SLTM: variants seen among roughly 807,000 people sequenced by gnomAD.
SLTM encodes SAFB-like transcription modulator.
Under a neutral mutation model 134.6 loss-of-function variants are expected in SLTM, and 43 were observed. That is an observed-to-expected ratio of 0.32 (90% CI 0.25 to 0.41). SLTM has a LOEUF of 0.41. Ranked by LOEUF, SLTM falls within the 10% of genes least tolerant of loss-of-function variation. SLTM has a pLI of 1.00. For synonymous variants in SLTM, 424 were observed against 432.3 expected (o/e 0.98, Z 0.24); for missense variants, 1,055 against 1,288.8 (o/e 0.82, Z 2.78).
intron 4 of SLTM, 177 bp from the exon 5 acceptor site, chr15:58,912,787 G>T: frequency 1.9e-6 from 1 of 540,258 alleles, no homozygotes; most frequent in Non-Finnish European, 3.3e-6. Flanking sequence ...AAAAAAATTA[G>T]CCATGTCGCT....
intron 5 of SLTM, among the ~76,000 whole-genome samples, chr15:58,906,972 T>C (rs1251999163): frequency 1.3e-5 from 2 of 152,222 alleles, no homozygotes; most frequent in Non-Finnish European, 2.9e-5. Flanking sequence ...ATTTACCCTG[T>C]CGTTATCACT....
intron 2 of SLTM, among the ~76,000 whole-genome samples, chr15:58,929,129 T>C (rs1216261104): frequency 6.6e-6 from 1 of 152,130 alleles, no homozygotes; most frequent in Non-Finnish European, 1.5e-5. Context: ...TAAAACAAGA[T>C]CTGGCAAAAA....
chr15:58,904,403 TAAAGTAAC>T (rs1258934989), intron 5 of SLTM, among the ~76,000 whole-genome samples: 2 of 152,128 alleles, frequency 1.3e-5, no homozygotes, highest in Non-Finnish European at 2.9e-5. Flanking sequence ...ATTTTACAAC[TAAAGTAAC>T]ATGAAGGAAA....
chr15:58,923,716 C>T (rs1393623285), intron 2 of SLTM, among the ~76,000 whole-genome samples: 1 of 150,732 alleles, frequency 6.6e-6, no homozygotes, highest in African/African-American at 2.4e-5. Flanking sequence ...TACAGGGAAT[C>T]TAGCAACTGC....
chr15:58,932,318 A>G lies in SLTM; in HGVS notation c.250+38T>C, dbSNP rs112426232. On this transcript the variant is annotated intron_variant, in intron 2 of 20. Coordinates refer to ENST00000380516, the MANE Select transcript of SLTM (RefSeq NM_024755.4). ...AAGAGCAGAGGCAAGTTATATAACCAAAATATATTTTAAAACATGTTCATA... is the reference window on the plus strand; with the variant it reads ...AAGAGCAGAGGCAAGTTATATAACCGAAATATATTTTAAAACATGTTCATA... 171 of 1,519,626 alleles carry G rather than the reference A, an allele frequency of 1.1e-4. No homozygotes were observed. The African/African-American group carries it at 1.6e-3, about 14-fold the overall frequency. The allele number at this position is 1,519,626 out of a possible 1,614,324, so 94.1% of individuals were successfully genotyped here. A position where few individuals can be genotyped will look rare whatever the true frequency, so the allele number is the denominator to read the frequency against.
At chr15:58,883,247 G>A (rs550554536) in intron 20 of SLTM, among the ~76,000 whole-genome samples, 54 of 152,270 alleles carry the variant, frequency 3.5e-4, no homozygotes, top group African/African-American at 1.0e-3. Flanking sequence ...CCCAGGAGGC[G>A]GAGGTTGCAG....
intron 3 of SLTM, among the ~76,000 whole-genome samples, chr15:58,914,200 A>G (rs2036475885): frequency 1.3e-5 from 2 of 152,234 alleles, no homozygotes; most frequent in Non-Finnish European, 1.5e-5. Context: ...GCCAAATGTC[A>G]ATTAGGAAGA....
Position 58,897,271 on chromosome 15 carries a change from A to G in SLTM, c.1109-38T>C, listed in dbSNP as rs374093770. 1.3e-5 allele frequency: 16 copies of G among 1,192,296 alleles called. No individual in the cohort carries two copies. In the African/African-American group the frequency reaches 2.4e-4, roughly 18 times the overall value. 73.9% of individuals were successfully genotyped at this position (1,192,296 alleles called of 1,614,324 possible). A position where few individuals can be genotyped will look rare whatever the true frequency, so the allele number is the denominator to read the frequency against. ...TAATATCAGATGTTTAAGTATCTCA[A>G]TCAGAATCTTTATACAAAACTATAA... On this transcript the variant is annotated intron_variant, in intron 8 of 20. Transcript: ENST00000380516.
intron 5 of SLTM, among the ~76,000 whole-genome samples, chr15:58,909,788 A>C (rs759723402): frequency 1.1e-4 from 17 of 152,248 alleles, no homozygotes; most frequent in Non-Finnish European, 2.1e-4. Flanking sequence ...AATATGTTGA[A>C]CACCACCACA....
At chr15:58,908,807 C>A (rs2036060734) in intron 5 of SLTM, among the ~76,000 whole-genome samples, 1 of 151,948 alleles carries the variant, frequency 6.6e-6, no homozygotes, top group South Asian at 2.1e-4. Context: ...AGGGAAACAC[C>A]CTTGCAAAAA....
At chr15:58,925,941 A>G (rs1370648700) in intron 2 of SLTM, among the ~76,000 whole-genome samples, 1 of 152,220 alleles carries the variant, frequency 6.6e-6, no homozygotes, top group Non-Finnish European at 1.5e-5. Flanking sequence ...CCGAAAACTG[A>G]AAAGTATATA....
intron 2 of SLTM, among the ~76,000 whole-genome samples, chr15:58,922,620 T>A (rs2037170972): frequency 6.8e-6 from 1 of 146,942 alleles, no homozygotes; most frequent in South Asian, 2.1e-4. Flanking sequence ...ATATATTATA[T>A]ACATGTATAA....
intron 9 of SLTM, 61 bp from the exon 10 acceptor site, chr15:58,894,643 A>G: frequency 6.7e-7 from 1 of 1,487,550 alleles, no homozygotes; most frequent in Non-Finnish European, 9.4e-7. Context: ...AGACTTCTAA[A>G]TACATGAAAC....
intron 5 of SLTM, among the ~76,000 whole-genome samples, chr15:58,912,112 T>C (rs2036314357): frequency 6.6e-6 from 1 of 151,416 alleles, no homozygotes; most frequent in Admixed American, 6.6e-5. Flanking sequence ...TTTTTTTTTT[T>C]TTTTTGAGAC....
intron 5 of SLTM, among the ~76,000 whole-genome samples, chr15:58,902,122 A>G (rs1054655302): frequency 6.6e-6 from 1 of 152,220 alleles, no homozygotes; most frequent in Non-Finnish European, 1.5e-5. Flanking sequence ...TACCAAGCAA[A>G]TAATGCAAAC....
chr15:58,927,883 G>C (rs2037593911), intron 2 of SLTM, among the ~76,000 whole-genome samples: 1 of 152,218 alleles, frequency 6.6e-6, no homozygotes, highest in Admixed American at 6.5e-5. Flanking sequence ...TGTGTTATAT[G>C]AAATGTGCTT....
Position 58,889,495 on chromosome 15 carries a change from T to A in SLTM, c.2139A>T (p.Gln713His). ...AREREELRRQ[Q>H]QQLRYEQEKR... The stretch of plus-strand genomic sequence containing the variant: ...TTTCTTGTTCATAACGAAGCTGCTG[T>A]TGTTGCCTTCTGAGTTCCTCTCTTT... The change falls in exon 16 of 21, where the codon CAA becomes CAT. Residue 713 changes from glutamine (Q) to histidine (H), a missense_variant. This residue lies in a region of SLTM where 776 missense variants were observed against 962.2 expected (regional missense o/e 0.81). Transcript: ENST00000380516. The A allele has an allele frequency of 6.2e-7, 1 of 1,614,132 alleles. No individual in the cohort carries two copies. Among genetic ancestry groups the A allele is most frequent in the Non-Finnish European group, 8.5e-7 (1 of 1,179,958 alleles).
At chr15:58,901,174 A>G (rs1854604568) in intron 6 of SLTM, 86 bp downstream of exon 6, 7 of 1,013,626 alleles carry the variant, frequency 6.9e-6, no homozygotes, top group Non-Finnish European at 1.0e-5. Context: ...AATTTCAAAA[A>G]TAAGATTTCA....
chr15:58,894,586 T>C lies in SLTM; in HGVS notation c.1228-4A>G. 1 of 1,613,960 alleles carries C rather than the reference T, an allele frequency of 6.2e-7. No homozygotes were observed. Among genetic ancestry groups the C allele is most frequent in the Non-Finnish European group, 8.5e-7 (1 of 1,179,892 alleles). ...TAACTACTTTTGCACTCAGAACCTA[T>C]AAAATCAGACTGTACTTTAGAGAGT... On this transcript the variant is annotated splice_polypyrimidine_tract_variant and splice_region_variant and intron_variant, in intron 9 of 20. Transcript: ENST00000380516.
Sources: allele counts gnomAD v4.1 joint callset (sites outside exome capture counted in the v4.1 genomes callset), GRCh38; gene constraint gnomAD v4.1.1; regional missense constraint gnomAD v4.1.1; transcripts MANE v1.5; gene names NCBI Gene and HGNC (gene_info 2026-07-23, HGNC 2026-07-21).